DNAJC1: variants seen among roughly 807,000 people sequenced by gnomAD.
The protein encoded by DNAJC1 is DnaJ heat shock protein family (Hsp40) member C1.
A neutral mutation model predicts 76.6 loss-of-function variants in DNAJC1; 58 were observed. That is an observed-to-expected ratio of 0.76 (90% confidence interval 0.61 to 0.94). The LOEUF is 0.94. Among genes scored for constraint, DNAJC1 ranks in the 40% least tolerant of loss-of-function variants. The probability of loss-of-function intolerance (pLI) is 0.00; values close to 1 mark genes in which losing one functional copy is unlikely to be tolerated. For synonymous variants in DNAJC1, 258 were observed against 267.9 expected (o/e 0.96, Z 0.36); for missense variants, 689 against 677.3 (o/e 1.02, Z -0.19).
intron 8 of DNAJC1, among the ~76,000 whole-genome samples, chr10:21,823,436 A>G (rs906001774): frequency 3.9e-5 from 6 of 152,212 alleles, no homozygotes; most frequent in Admixed American, 2.0e-4. Flanking sequence ...ATTTTTACAT[A>G]GGGTAGTTTA....
At chr10:21,998,654 T>C (rs1038572500) in intron 1 of DNAJC1, among the ~76,000 whole-genome samples, 2 of 152,196 alleles carry the variant, frequency 1.3e-5, no homozygotes, top group African/African-American at 4.8e-5. Context: ...GAATGACTAA[T>C]AAATCATCTG....
At chr10:21,891,313 CAT>C (rs1211549378) in intron 7 of DNAJC1, among the ~76,000 whole-genome samples, 1 of 151,370 alleles carries the variant, frequency 6.6e-6, no homozygotes, top group Non-Finnish European at 1.5e-5. Context: ...AAATAGAAGA[CAT>C]ATAGAAGAAC....
intron 1 of DNAJC1, among the ~76,000 whole-genome samples, chr10:21,955,814 TTG>T (rs1456536205): frequency 2.6e-5 from 4 of 152,316 alleles, no homozygotes; most frequent in African/African-American, 9.6e-5. Context: ...TTTTCACATA[TTG>T]TGTTATGTTC....
At chr10:21,924,349 A>G (rs1363325155) in intron 3 of DNAJC1, among the ~76,000 whole-genome samples, 1 of 152,192 alleles carries the variant, frequency 6.6e-6, no homozygotes, top group Non-Finnish European at 1.5e-5. Context: ...ATGAAACGTT[A>G]TTTAGTAAAC....
chr10:21,806,188 T>C (rs897800888), intron 8 of DNAJC1, 89 bp from the exon 9 acceptor site: 4 of 1,418,658 alleles, frequency 2.8e-6, no homozygotes, highest in Non-Finnish European at 2.8e-6. Flanking sequence ...TGAGAGATAA[T>C]TGCTGTGAAG....
intron 1 of DNAJC1, among the ~76,000 whole-genome samples, chr10:21,957,136 C>T (rs1225588069): frequency 2.6e-5 from 4 of 152,058 alleles, no homozygotes; most frequent in East Asian, 1.9e-4. Context: ...GTGATCCACC[C>T]GCCTCGGCCT....
intron 8 of DNAJC1, among the ~76,000 whole-genome samples, chr10:21,826,603 CTA>C (rs1195863072): frequency 6.6e-6 from 1 of 152,198 alleles, no homozygotes; most frequent in African/African-American, 2.4e-5. Flanking sequence ...AGCTTTCCTT[CTA>C]TGTTTTCTTC....
At chr10:21,901,292 T>C (rs757980300) in intron 7 of DNAJC1, among the ~76,000 whole-genome samples, 3 of 152,314 alleles carry the variant, frequency 2.0e-5, no homozygotes, top group Admixed American at 2.0e-4. Context: ...CCTTTCCTTG[T>C]CTATTCAAAT....
rs767989947 is a variant in DNAJC1, at chr10:21,919,846, T to A, written c.621A>T (p.Ser207=). 6.2e-7 allele frequency: 1 copy of A among 1,603,814 alleles called. No individual in the cohort carries two copies. Among genetic ancestry groups the A allele is most frequent in the East Asian group, 2.2e-5 (1 of 44,794 alleles). Residue 207 remains serine (S), a synonymous_variant, in exon 5 of 12, where the codon TCA becomes TCT. Transcript: ENST00000376980. ...KSVDVSKLGA[S]EKNERLLMKP... is the part of the protein sequence containing the mutation. Reference sequence around the variant, plus strand: ...TATGCTCTCACCTTTCATTTTTTTCTGAAGCACCGAGTTTTGATACATCCA... The same window carrying A: ...TATGCTCTCACCTTTCATTTTTTTCAGAAGCACCGAGTTTTGATACATCCA...
chr10:21,976,974 A>G (rs1838076915), intron 1 of DNAJC1, among the ~76,000 whole-genome samples: 2 of 152,172 alleles, frequency 1.3e-5, no homozygotes, highest in Admixed American at 6.6e-5. Flanking sequence ...CAAAACAAGT[A>G]GCATCAGTAA....
At chr10:21,800,793 T>A (rs1834804750) in intron 9 of DNAJC1, among the ~76,000 whole-genome samples, 1 of 152,210 alleles carries the variant, frequency 6.6e-6, no homozygotes, top group African/African-American at 2.4e-5. Flanking sequence ...TTCACAGAGA[T>A]CTCTTTAAAA....
chr10:21,918,938 C>T (rs1456327605), intron 5 of DNAJC1, 66 bp from the exon 6 acceptor site: 1 of 1,082,226 alleles, frequency 9.2e-7, no homozygotes, highest in Admixed American at 1.8e-5. Flanking sequence ...AGTTGGGAGG[C>T]AAAATAATTC....
chr10:21,975,253 G>A (rs1467972489), intron 1 of DNAJC1, among the ~76,000 whole-genome samples: 1 of 151,906 alleles, frequency 6.6e-6, no homozygotes, highest in East Asian at 1.9e-4. Flanking sequence ...GTATAAAGGA[G>A]TAGAACCAGG....
chr10:21,767,286 G>A (rs1038717012), intron 9 of DNAJC1, among the ~76,000 whole-genome samples: 11 of 151,960 alleles, frequency 7.2e-5, no homozygotes, highest in Non-Finnish European at 1.3e-4. Context: ...AAAGAATTTG[G>A]TCTGGTGGTA....
intron 1 of DNAJC1, among the ~76,000 whole-genome samples, chr10:21,961,375 T>C (rs1024414047): frequency 6.6e-6 from 1 of 152,206 alleles, no homozygotes; most frequent in South Asian, 2.1e-4. Flanking sequence ...ATACATACAA[T>C]GGCTATGATT....
At chr10:21,834,608 G>C (rs1008283669) in intron 8 of DNAJC1, among the ~76,000 whole-genome samples, 3 of 152,118 alleles carry the variant, frequency 2.0e-5, no homozygotes, top group African/African-American at 7.2e-5. Flanking sequence ...TGGAAAATCG[G>C]GTCACTCCCA....
At chr10:21,959,652 G>A (rs1230387177) in intron 1 of DNAJC1, among the ~76,000 whole-genome samples, 2 of 151,916 alleles carry the variant, frequency 1.3e-5, no homozygotes, top group South Asian at 2.1e-4. Context: ...TGAGCTTGGT[G>A]GCAGGTGCCT....
chr10:21,917,893 T>C (rs1836980358), intron 6 of DNAJC1, among the ~76,000 whole-genome samples: 1 of 151,898 alleles, frequency 6.6e-6, no homozygotes, highest in African/African-American at 2.4e-5. Flanking sequence ...TAAAGGAAAA[T>C]GCAGAAGTTG....
intron 7 of DNAJC1, among the ~76,000 whole-genome samples, chr10:21,894,900 G>GT (rs147552928): frequency 6.6e-6 from 1 of 152,290 alleles, no homozygotes; most frequent in East Asian, 1.9e-4. Flanking sequence ...CAGCAACAAG[G>GT]TGCCATCTTG....
Sources: gnomAD v4.1 joint callset for allele counts (sites outside exome capture counted in the v4.1 genomes callset) on GRCh38, gnomAD v4.1.1 for gene constraint, MANE v1.5 for transcripts, NCBI Gene and HGNC (gene_info 2026-07-23, HGNC 2026-07-21) for gene names.